The following ADGRL2 variants were observed in gnomAD, a reference collection of about 807,000 sequenced individuals.
ADGRL2 encodes calcium-independent alpha-latrotoxin receptor 2.
In ADGRL2, 44 loss-of-function variants were observed where a neutral mutation model predicts 157.4. The ratio of observed to expected loss-of-function variants is 0.28; its 90% CI spans 0.22 to 0.36. ADGRL2 has a LOEUF of 0.36. ADGRL2 is among the 10% of genes least tolerant of loss of function. The pLI is 1.00. For missense variants in ADGRL2, 1,510 were observed against 1,768.9 expected (o/e 0.85, Z 2.63); for synonymous variants, 585 against 624.7 (o/e 0.94, Z 0.95).
intron 2 of ADGRL2, among the ~76,000 whole-genome samples, chr1:81,486,308 A>C (rs1236499018): frequency 6.6e-6 from 1 of 152,154 alleles, no homozygotes; most frequent in Non-Finnish European, 1.5e-5. Flanking sequence ...TCAGGAACCA[A>C]GCTATTTTCA....
At position 81,966,072 on chromosome 1, in the gene ADGRL2, G is replaced by T. The variant is rs142415541; in HGVS notation, c.2032G>T (p.Val678Leu). 4.2e-4 allele frequency: 679 copies of T among 1,613,604 alleles called. 1 individual carries two copies. Among genetic ancestry groups the T allele is most frequent in the Non-Finnish European group, 4.3e-4 (508 of 1,179,760 alleles). ...PTENIVLEVA[V>L]LSTEGQIQDF... Reference sequence around the variant, plus strand: ...CCCTCATCCAGTCCTGGAAGTTGCCGTACTCAGTACAGAAGGACAGATCCA... The same window carrying T: ...CCCTCATCCAGTCCTGGAAGTTGCCTTACTCAGTACAGAAGGACAGATCCA... The change falls in exon 12 of 24, where the codon GTA becomes TTA. Residue 678 changes from valine (V) to leucine (L), a missense_variant. Physicochemically the swap from Val to Leu is conservative, Grantham distance 32. Around this residue, in one of 4 missense-constraint regions of ADGRL2, gnomAD observed 325 missense variants for 333.2 expected, o/e 0.98. Coordinates refer to ENST00000686636, the MANE Select transcript of ADGRL2 (RefSeq NM_001366006.2).
intron 6 of ADGRL2, among the ~76,000 whole-genome samples, chr1:81,948,434 G>A (rs1477161022): frequency 2.6e-5 from 4 of 152,106 alleles, no homozygotes; most frequent in Non-Finnish European, 5.9e-5. Context: ...GATTAAATAT[G>A]TGCTAGTTAG....
intron 4 of ADGRL2, among the ~76,000 whole-genome samples, chr1:81,937,664 G>C (rs939145223): frequency 1.3e-5 from 2 of 151,712 alleles, no homozygotes; most frequent in African/African-American, 4.8e-5. Flanking sequence ...AGAAAAGATA[G>C]AGATGTCATT....
intron 2 of ADGRL2, among the ~76,000 whole-genome samples, chr1:81,520,258 A>G (rs184831416): frequency 1.1e-3 from 174 of 152,220 alleles, no homozygotes; most frequent in African/African-American, 4.0e-3. Flanking sequence ...TAGAAGCAAT[A>G]CACATCCTTT....
chr1:81,337,537 A>G (rs1661742401), intron 1 of ADGRL2, among the ~76,000 whole-genome samples: 1 of 152,170 alleles, frequency 6.6e-6, no homozygotes, highest in African/African-American at 2.4e-5. Context: ...TTCCTGTTTC[A>G]ATTCTAGCAT....
chr1:81,427,651 G>C, intron 1 of ADGRL2: 2 of 535,484 alleles, frequency 3.7e-6, no homozygotes, highest in South Asian at 2.3e-5. Flanking sequence ...GCAGGAGAGA[G>C]AGAGAAATTG....
intron 3 of ADGRL2, among the ~76,000 whole-genome samples, chr1:81,654,395 C>T (rs1048111544): frequency 6.6e-6 from 1 of 152,204 alleles, no homozygotes; most frequent in Admixed American, 6.5e-5. Flanking sequence ...TTCAGCCTTT[C>T]CATTACCACC....
intron 17 of ADGRL2, among the ~76,000 whole-genome samples, chr1:81,972,489 G>A (rs1374317434): frequency 6.6e-6 from 1 of 152,116 alleles, no homozygotes; most frequent in Non-Finnish European, 1.5e-5. Flanking sequence ...ATTTTTAAAT[G>A]AATTTGATGC....
chr1:81,648,027 G>A (rs2082346814), intron 3 of ADGRL2, among the ~76,000 whole-genome samples: 1 of 152,154 alleles, frequency 6.6e-6, no homozygotes, highest in Non-Finnish European at 1.5e-5. Flanking sequence ...TGGGTCACTA[G>A]GTGACAAAAT....
At chr1:81,592,605 C>T (rs1362754766) in intron 3 of ADGRL2, among the ~76,000 whole-genome samples, 3 of 152,110 alleles carry the variant, frequency 2.0e-5, no homozygotes, top group East Asian at 3.8e-4. Flanking sequence ...GAGAAGGATT[C>T]TTATAAAACT....
chr1:81,974,942 T>C, intron 17 of ADGRL2, among the ~76,000 whole-genome samples: 1 of 152,054 alleles, frequency 6.6e-6, no homozygotes, highest in South Asian at 2.1e-4. Context: ...GAATGATCTT[T>C]GTCAGTGGGA....
intron 2 of ADGRL2, among the ~76,000 whole-genome samples, chr1:81,902,449 T>G (rs1187288859): frequency 6.6e-6 from 1 of 151,986 alleles, no homozygotes; most frequent in East Asian, 1.9e-4. Context: ...AATACAAAAA[T>G]TAGCCGGTCA....
At chr1:81,787,946 T>C (rs1363336065) in intron 2 of ADGRL2, among the ~76,000 whole-genome samples, 1 of 152,178 alleles carries the variant, frequency 6.6e-6, no homozygotes, top group Non-Finnish European at 1.5e-5. Flanking sequence ...ATAAAAATTA[T>C]TGAGCACCAG....
chr1:81,447,717 A>G (rs901819360), intron 2 of ADGRL2, among the ~76,000 whole-genome samples: 3 of 152,206 alleles, frequency 2.0e-5, no homozygotes, highest in Non-Finnish European at 4.4e-5. Context: ...AGATTTTAAC[A>G]TGCACAAATT....
intron 1 of ADGRL2, among the ~76,000 whole-genome samples, chr1:81,321,145 C>CCT (rs761078906): frequency 2.2e-4 from 34 of 152,148 alleles, no homozygotes; most frequent in Non-Finnish European, 3.4e-4. Flanking sequence ...CATAAGCCAA[C>CCT]CTCTGATAGT....
chr1:81,806,543 A>C (rs553904921), intron 1 of ADGRL2, among the ~76,000 whole-genome samples: 187 of 152,184 alleles, frequency 1.2e-3, no homozygotes, highest in African/African-American at 4.3e-3. Context: ...GTGAATTGAG[A>C]TTGAGATGTC....
intron 1 of ADGRL2, among the ~76,000 whole-genome samples, chr1:81,409,580 A>C (rs911071275): frequency 2.0e-5 from 3 of 152,142 alleles, no homozygotes; most frequent in Non-Finnish European, 4.4e-5. Context: ...ATATTCCTGT[A>C]CCAAGGTGTG....
chr1:81,800,163 C>T (rs560774851), upstream of ADGRL2, among the ~76,000 whole-genome samples: 5 of 152,266 alleles, frequency 3.3e-5, no homozygotes, highest in South Asian at 1.0e-3. Context: ...CTTGTAGTCT[C>T]CTTTCCTTCC....
chr1:81,636,000 A>C (rs973172177), intron 3 of ADGRL2, among the ~76,000 whole-genome samples: 3 of 152,172 alleles, frequency 2.0e-5, no homozygotes, highest in Admixed American at 1.3e-4. Context: ...CATGAGACAC[A>C]ACATTGTAAG....
Sources: gnomAD v4.1 joint callset for allele counts (sites outside exome capture counted in the v4.1 genomes callset) on GRCh38, gnomAD v4.1.1 for gene constraint, gnomAD v4.1.1 regional missense constraint, MANE v1.5 for transcripts, NCBI Gene and HGNC (gene_info 2026-07-23, HGNC 2026-07-21) for gene names.